Variants in ARHGEF11 observed in about 807,000 individuals in gnomAD.
ARHGEF11 encodes Rho guanine exchange factor (GEF) 11.
A neutral mutation model predicts 193.7 loss-of-function variants in ARHGEF11; 55 were observed. That is an observed-to-expected ratio of 0.28 (90% CI 0.23 to 0.36). The LOEUF (loss-of-function observed/expected upper bound fraction) is 0.36, where lower values mean the gene tolerates loss of function less well. Among genes scored for constraint, ARHGEF11 ranks in the 10% least tolerant of loss-of-function variants. The pLI, the probability that ARHGEF11 is intolerant of heterozygous loss-of-function variation, is 1.00. For missense variants in ARHGEF11, 1,723 were observed against 2,005.6 expected, an observed-to-expected ratio of 0.86 and a Z score of 2.69; for synonymous variants, 693 against 768.0, an observed-to-expected ratio of 0.90 and a Z score of 1.62.
intron 1 of ARHGEF11, among the ~76,000 whole-genome samples, chr1:157,028,811 C>T (rs1034348180): frequency 1.3e-5 from 2 of 151,944 alleles, no homozygotes; most frequent in South Asian, 2.1e-4. Context: ...ATCAAACCAC[C>T]GTGAGATACC....
At chr1:157,036,294 G>A (rs1173831760) in intron 1 of ARHGEF11, among the ~76,000 whole-genome samples, 1 of 150,072 alleles carries the variant, frequency 6.7e-6, no homozygotes, top group African/African-American at 2.5e-5. Flanking sequence ...GGATCTCCCA[G>A]AACTGACTAC....
At chr1:156,989,194 C>T (rs1665370313) in intron 1 of ARHGEF11, among the ~76,000 whole-genome samples, 1 of 152,126 alleles carries the variant, frequency 6.6e-6, no homozygotes, top group African/African-American at 2.4e-5. Context: ...AATGGCACCA[C>T]TGAGACAGAT....
At position 156,986,068 on chromosome 1, in the gene ARHGEF11, C is replaced by T. The variant is rs779973576; in HGVS notation, c.124+14G>A. On this transcript the variant is annotated intron_variant, in intron 2 of 40. Coordinates refer to ENST00000368194, the MANE Select transcript of ARHGEF11 (RefSeq NM_198236.3). ...GCCTGGCTGTTTTTGTATGTTAATG[C>T]CCAAGGAGGTTACCTGTTGTCTCAG... The T allele has an allele frequency of 4.4e-6, 7 of 1,608,952 alleles. No individual in the cohort carries two copies. Among genetic ancestry groups the T allele is most frequent in the Non-Finnish European group, 6.0e-6 (7 of 1,175,942 alleles).
chr1:157,009,549 C>T (rs1409338414), intron 1 of ARHGEF11, among the ~76,000 whole-genome samples: 1 of 152,188 alleles, frequency 6.6e-6, no homozygotes, highest in Non-Finnish European at 1.5e-5. Context: ...TGGAACTCAT[C>T]AAGGAGAGCT....
At chr1:157,014,109 A>G (rs1388864697) in intron 1 of ARHGEF11, among the ~76,000 whole-genome samples, 1 of 152,132 alleles carries the variant, frequency 6.6e-6, no homozygotes, top group African/African-American at 2.4e-5. Context: ...TAGTGTTTCC[A>G]TGACCTTTTC....
chr1:157,029,985 T>C (rs1671102263), intron 1 of ARHGEF11, among the ~76,000 whole-genome samples: 1 of 151,966 alleles, frequency 6.6e-6, no homozygotes, highest in African/African-American at 2.4e-5. Flanking sequence ...TTTCAGGGGT[T>C]AGGGGAAGGG....
chr1:156,964,412 A>G (rs1054745070), intron 11 of ARHGEF11, among the ~76,000 whole-genome samples: 4 of 152,136 alleles, frequency 2.6e-5, no homozygotes, highest in Admixed American at 6.5e-5. Flanking sequence ...ACTCAATTTG[A>G]TATTTTTCAT....
chr1:157,018,587 G>A (rs1183140882), intron 1 of ARHGEF11, among the ~76,000 whole-genome samples: 1 of 151,636 alleles, frequency 6.6e-6, no homozygotes, highest in Non-Finnish European at 1.5e-5. Flanking sequence ...GGAGGTTGCA[G>A]TGAGCCGAGA....
chr1:157,005,562 A>G (rs185593804), intron 1 of ARHGEF11, among the ~76,000 whole-genome samples: 7 of 152,326 alleles, frequency 4.6e-5, no homozygotes, highest in African/African-American at 1.4e-4. Context: ...AAATGCCCCC[A>G]AACAGTTCTG....
intron 1 of ARHGEF11, among the ~76,000 whole-genome samples, chr1:157,034,265 G>T (rs1040340570): frequency 1.3e-5 from 2 of 152,192 alleles, no homozygotes; most frequent in Non-Finnish European, 2.9e-5. Flanking sequence ...TGCAGCAGCA[G>T]TCTCTTGGGG....
rs893736803 is a variant in ARHGEF11, at chr1:156,949,971, G to A, written c.1926-1473C>T. On this transcript the variant is annotated intron_variant, in intron 22 of 40. Coordinates refer to ENST00000368194, the MANE Select transcript of ARHGEF11 (RefSeq NM_198236.3). The stretch of plus-strand genomic sequence containing the variant: ...TCAAACCCAAAGGCTTCTGCTTAGA[G>A]TAGCTTTAGGATCCTAGCAAGTGTC... 2.0e-5 allele frequency among the ~76,000 whole-genome samples: 3 copies of A among 152,214 alleles called. No homozygotes were observed. The South Asian group carries it at 6.2e-4, about 32-fold the overall frequency.
At chr1:156,975,881 T>C (rs1192095734) in intron 7 of ARHGEF11, among the ~76,000 whole-genome samples, 1 of 152,238 alleles carries the variant, frequency 6.6e-6, no homozygotes, top group Admixed American at 6.5e-5. Context: ...CATAGATGTA[T>C]GGGTTAATTT....
intron 1 of ARHGEF11, among the ~76,000 whole-genome samples, chr1:157,043,152 A>C (rs560581727): frequency 6.6e-6 from 1 of 152,342 alleles, no homozygotes; most frequent in East Asian, 1.9e-4. Context: ...ACCAAAAGGA[A>C]ATTATTATTA....
Position 156,961,709 on chromosome 1 carries a change from C to A in ARHGEF11, c.1207G>T (p.Asp403Tyr), listed in dbSNP as rs1379892121. The A allele has an allele frequency of 6.2e-7, 1 of 1,614,208 alleles. No individual in the cohort carries two copies. Among genetic ancestry groups the A allele is most frequent in the Admixed American group, 1.7e-5 (1 of 60,028 alleles). The change falls in exon 14 of 41, where the codon GAC (aspartate) becomes TAC (tyrosine). Residue 403 changes from aspartate to tyrosine, a missense_variant. By Grantham distance (160) the Asp-to-Tyr change is radical (BLOSUM62 -3). Transcript: ENST00000368194. ...SPKDSRSLGK[D>Y]IWNIFLEKNA... ...TTCTCCAGGAAAATATTCCAGATGTCTTTCCCCAAGCTTCGGGAATCCTTG... is the reference window on the plus strand; with the variant it reads ...TTCTCCAGGAAAATATTCCAGATGTATTTCCCCAAGCTTCGGGAATCCTTG...
At chr1:157,020,293 A>C (rs916757064) in intron 1 of ARHGEF11, among the ~76,000 whole-genome samples, 8 of 152,202 alleles carry the variant, frequency 5.3e-5, no homozygotes, top group African/African-American at 1.9e-4. Context: ...TTTATTGTAC[A>C]TCAAATATAC....
chr1:156,938,366 G>A, intron 38 of ARHGEF11, 52 bp downstream of exon 38: 1 of 1,558,740 alleles, frequency 6.4e-7, no homozygotes, highest in East Asian at 2.3e-5. Context: ...GCCCTCACAG[G>A]TTCCACACTC....
chr1:156,951,608 G>T lies in ARHGEF11; in HGVS notation c.1890C>A (p.Thr630=). ...CCAGCAGGTCCTCAGGAAAGCTTCC[G>T]GTCGAGAGTCGTTGTGTCCCAGGTT... is the stretch of plus-strand genomic sequence containing the variant. ...APEPGTQRLS[T]GSFPEDLLES... The change falls in exon 22 of 41, where the codon ACC becomes ACA. Residue 630 remains threonine (T), a synonymous_variant. Transcript: ENST00000368194. 1 of 1,614,166 alleles carries T rather than the reference G, an allele frequency of 6.2e-7. No homozygotes were observed. Among genetic ancestry groups the T allele is most frequent in the Non-Finnish European group, 8.5e-7 (1 of 1,180,046 alleles).
At chr1:156,976,256 C>T (rs1557888662) in intron 7 of ARHGEF11, among the ~76,000 whole-genome samples, 4 of 152,150 alleles carry the variant, frequency 2.6e-5, no homozygotes, top group African/African-American at 9.7e-5. Flanking sequence ...CTTTTGCCTA[C>T]TAAAGTACCA....
Position 156,959,086 on chromosome 1 carries a change from C to A in ARHGEF11, c.1339G>T (p.Ala447Ser), listed in dbSNP as rs376380091. The A allele has an allele frequency of 6.2e-7, 1 of 1,614,204 alleles. No individual in the cohort carries two copies. Among genetic ancestry groups the A allele is most frequent in the South Asian group, 1.1e-5 (1 of 91,082 alleles). ...TGCTCTTGGATCTCAGGCATGGCTG[C>A]CTCTTGAGCTTCACAGAGAACACCA... ...ARGVLCEAQEAAMPEIQEQIH... is the reference protein window; with the variant it reads ...ARGVLCEAQESAMPEIQEQIH... Residue 447 changes from alanine to serine, a missense_variant, in exon 16 of 41, where the codon GCA becomes TCA. Ala to Ser is a moderately conservative substitution (Grantham distance 99). This residue lies in a region of ARHGEF11 where 646 missense variants were observed against 710.7 expected (regional missense o/e 0.91). Coordinates refer to ENST00000368194, the MANE Select transcript of ARHGEF11 (RefSeq NM_198236.3).
Sources: gnomAD v4.1 joint callset for allele counts (sites outside exome capture counted in the v4.1 genomes callset) on GRCh38, gnomAD v4.1.1 for gene constraint, gnomAD v4.1.1 regional missense constraint, MANE v1.5 for transcripts, NCBI Gene and HGNC (gene_info 2026-07-23, HGNC 2026-07-21) for gene names.